The following ELF5 variants were observed in gnomAD, a reference collection of about 807,000 sequenced individuals.
ELF5 encodes E74 like ETS transcription factor 5.
Under a neutral mutation model 38.2 loss-of-function variants are expected in ELF5, and 31 were observed. That is an observed-to-expected ratio of 0.81 (90% CI 0.61 to 1.10). The LOEUF is 1.10. ELF5 is among the 50% of genes least tolerant of loss of function. The pLI is 0.00. For missense variants in ELF5, 300 were observed against 306.6 expected (o/e 0.98, Z 0.16); for synonymous variants, 121 against 112.5 (o/e 1.08, Z -0.48).
At chr11:34,499,749 C>A (rs537401542) in intron 2 of ELF5, among the ~76,000 whole-genome samples, 1 of 152,164 alleles carries the variant, frequency 6.6e-6, no homozygotes, top group African/African-American at 2.4e-5. Flanking sequence ...GAATCCAATT[C>A]TTGTTCCCAG....
chr11:34,500,245 A>T (rs1439489015), intron 2 of ELF5, among the ~76,000 whole-genome samples: 1 of 152,128 alleles, frequency 6.6e-6, no homozygotes, highest in African/African-American at 2.4e-5. Context: ...TAGCATAGGG[A>T]GTTGGGAAAG....
intron 2 of ELF5, among the ~76,000 whole-genome samples, chr11:34,494,703 T>G (rs3781710): frequency 0.59 from 89,501 of 151,968 alleles, 26,901 homozygotes; most frequent in Non-Finnish European, 0.65. Flanking sequence ...GAAGAGGTGC[T>G]GTATTAGGTA....
At chr11:34,511,835 G>A (rs1850767343) in intron 1 of ELF5, 3 of 504,590 alleles carry the variant, frequency 5.9e-6, no homozygotes, top group Non-Finnish European at 1.1e-5. Flanking sequence ...ATTCCTTCCT[G>A]ACTCTGGTGG....
intron 4 of ELF5, among the ~76,000 whole-genome samples, chr11:34,487,592 G>C (rs997004916): frequency 1.3e-5 from 2 of 152,162 alleles, no homozygotes; most frequent in Non-Finnish European, 2.9e-5. Flanking sequence ...AGCTTGCTCA[G>C]AATGAAATCC....
intron 4 of ELF5, among the ~76,000 whole-genome samples, chr11:34,489,591 T>G (rs1315952902): frequency 6.6e-6 from 1 of 152,216 alleles, no homozygotes; most frequent in African/African-American, 2.4e-5. Flanking sequence ...AAACTCTACC[T>G]GCTTAGTGAG....
chr11:34,482,457 T>C lies in ELF5; in HGVS notation c.449A>G (p.Gln150Arg). ...NCLKTSGIKS[Q>R]DCHSHSRTSL... ...TGTTCTACTATGACTGTGACAGTCT[T>C]GACTTTTGATGCCACTTGTTTTCAA... Residue 150 changes from glutamine (Q) to arginine (R), a missense_variant, in exon 5 of 7, where the codon CAA becomes CGA. Coordinates refer to ENST00000257832, the MANE Select transcript of ELF5 (RefSeq NM_001422.4). 1 of 1,612,768 alleles carries C rather than the reference T, an allele frequency of 6.2e-7. No individual in the cohort carries two copies. The highest frequency in any genetic ancestry group is 8.5e-7 in the Non-Finnish European group (1 of 1,179,746).
At chr11:34,482,219 T>G (rs2133869548) in intron 5 of ELF5, among the ~76,000 whole-genome samples, 1 of 152,346 alleles carries the variant, frequency 6.6e-6, no homozygotes. Context: ...GCGTTTGCTA[T>G]TGTCAGATGC....
At chr11:34,505,555 A>C (rs1169887881) in intron 2 of ELF5, 74 bp downstream of exon 2, 1 of 1,597,694 alleles carries the variant, frequency 6.3e-7, no homozygotes, top group African/African-American at 1.3e-5. Context: ...TTTGTCTTCC[A>C]CCTGCGGCCA....
chr11:34,490,630 T>C (rs17269931), intron 3 of ELF5, among the ~76,000 whole-genome samples: 45,620 of 152,062 alleles, frequency 0.3, 8,999 homozygotes, highest in Non-Finnish European at 0.42. Context: ...ATATGGAAGA[T>C]GATGTCAGGA....
intron 5 of ELF5, among the ~76,000 whole-genome samples, 186 bp downstream of exon 5, chr11:34,482,245 C>T (rs182688892): frequency 1.3e-5 from 2 of 152,320 alleles, no homozygotes; most frequent in African/African-American, 2.4e-5. Context: ...CTCACCCACT[C>T]GTATGAGAAG....
chr11:34,482,641 G>A, intron 4 of ELF5, 142 bp from the exon 5 acceptor site: 1 of 620,194 alleles, frequency 1.6e-6, no homozygotes, highest in South Asian at 2.2e-5. Flanking sequence ...TGATTACTAG[G>A]TGGCAGGTGT....
rs573094916 is a variant in ELF5, at chr11:34,478,852, G to T, written c.*1366C>A. ...AACTATATCCACCTGGAAAACACAT[G>T]AATCCAAAATAGATTATTTTACAGT... On this transcript the variant is annotated 3_prime_UTR_variant, in exon 7 of 7. Transcript: ENST00000257832. 1 of 152,734 alleles carries T rather than the reference G, an allele frequency of 6.5e-6. No individual in the cohort carries two copies. Among genetic ancestry groups the T allele is most frequent in the South Asian group, 2.1e-4 (1 of 4,826 alleles). 9.5% of individuals were successfully genotyped at this position (152,734 alleles called of 1,614,324 possible).
At chr11:34,511,572 A>C in intron 1 of ELF5, 1 of 1,614,216 alleles carries the variant, frequency 6.2e-7, no homozygotes, top group Non-Finnish European at 8.5e-7. Context: ...GATGGCATGG[A>C]AGCTGAGGTC....
chr11:34,509,889 G>A (rs192253532), intron 1 of ELF5, among the ~76,000 whole-genome samples: 13 of 152,244 alleles, frequency 8.5e-5, no homozygotes, highest in Middle Eastern at 3.4e-3. Flanking sequence ...ACAGTCCCCA[G>A]GTCTTCAGTG....
intron 4 of ELF5, among the ~76,000 whole-genome samples, chr11:34,484,481 A>ATACTATCCTATACTATACTAT (rs111444312): frequency 1.9e-4 from 22 of 115,922 alleles, no homozygotes; most frequent in African/African-American, 6.7e-4. Flanking sequence ...ACACTATACT[A>ATACTATCCTATACTATACTAT]ACTATACTAT....
At chr11:34,502,339 G>C (rs1243657558) in intron 2 of ELF5, among the ~76,000 whole-genome samples, 1 of 152,222 alleles carries the variant, frequency 6.6e-6, no homozygotes, top group Admixed American at 6.5e-5. Context: ...CTCAGGAGAG[G>C]TATCTCAGAG....
chr11:34,494,446 T>C (rs1486462729), intron 2 of ELF5, among the ~76,000 whole-genome samples: 1 of 152,122 alleles, frequency 6.6e-6, no homozygotes, highest in Non-Finnish European at 1.5e-5. Flanking sequence ...CAGAGGAAGG[T>C]GGTCATGGGA....
rs1201078409 is a variant in ELF5, at chr11:34,480,148, G to C, written c.*70C>G. The C allele has an allele frequency of 7.9e-7, 1 of 1,269,732 alleles. No homozygotes were observed. Among genetic ancestry groups the C allele is most frequent in the African/African-American group, 1.5e-5 (1 of 66,196 alleles). 78.7% of individuals were successfully genotyped at this position (1,269,732 alleles called of 1,614,324 possible). A position where few individuals can be genotyped will look rare whatever the true frequency, so the allele number is the denominator to read the frequency against. ...AAAAGAGAAGAAAATGAAGCCTTTCGAATGTCTATTGCAATCTGATTGTTT... is the reference window on the plus strand; with the variant it reads ...AAAAGAGAAGAAAATGAAGCCTTTCCAATGTCTATTGCAATCTGATTGTTT... On this transcript the variant is annotated 3_prime_UTR_variant, in exon 7 of 7. Transcript: ENST00000257832.
chr11:34,481,921 G>A (rs1204873043), intron 5 of ELF5, among the ~76,000 whole-genome samples: 1 of 152,198 alleles, frequency 6.6e-6, no homozygotes, highest in Non-Finnish European at 1.5e-5. Flanking sequence ...CATAGCAATT[G>A]TTTTCTACAC....
Sources: allele counts gnomAD v4.1 joint callset (sites outside exome capture counted in the v4.1 genomes callset), GRCh38; gene constraint gnomAD v4.1.1; transcripts MANE v1.5; gene names NCBI Gene and HGNC (gene_info 2026-07-23, HGNC 2026-07-21).